SMPD4: variants seen among roughly 807,000 people sequenced by gnomAD.
The protein encoded by SMPD4 is neutral sphingomyelinase 3.
SMPD4 carries 58 observed loss-of-function variants against 97.8 expected under a neutral mutation model. The ratio of observed to expected loss-of-function variants is 0.59; its 90% CI spans 0.48 to 0.74. The LOEUF (loss-of-function observed/expected upper bound fraction) is 0.74. Among genes scored for constraint, SMPD4 ranks in the 30% least tolerant of loss-of-function variants. The pLI is 0.00. For missense variants in SMPD4, 853 were observed against 1,080.5 expected (o/e 0.79, Z 2.95); for synonymous variants, 388 against 450.0 (o/e 0.86, Z 1.74).
Position 130,173,567 on chromosome 2 carries a change from CT to C in SMPD4, c.215del (p.Gln72ArgfsTer4). Reference sequence around the variant, plus strand: ...TGTACTCCACAGGATTCACGCGCCCCTGTAAGCAGCGGAGGTTCCAGCCAAC... The same window carrying C: ...TGTACTCCACAGGATTCACGCGCCCCGTAAGCAGCGGAGGTTCCAGCCAAC... ...VLVGWNLRCL[Q>X]GRVNPVEYSI... On this transcript the variant is annotated frameshift_variant, in exon 4 of 20. Transcript: ENST00000680298. LOFTEE classifies it high-confidence loss of function. The C allele has an allele frequency of 6.2e-7, 1 of 1,613,756 alleles. No individual in the cohort carries two copies. The highest frequency in any genetic ancestry group is 8.5e-7 in the Non-Finnish European group (1 of 1,179,784).
At chr2:130,157,499 GC>G in intron 11 of SMPD4, 103 bp from the exon 12 acceptor site, 3 of 1,541,258 alleles carry the variant, frequency 1.9e-6, no homozygotes, top group East Asian at 2.4e-5. Flanking sequence ...TTGCTCTGCT[GC>G]CCCCACGGGA....
chr2:130,170,471 A>AAAAAAAAAAAAAAAAAAAAAAC, intron 8 of SMPD4, among the ~76,000 whole-genome samples: 1 of 151,000 alleles, frequency 6.6e-6, no homozygotes, highest in Non-Finnish European at 1.5e-5. Flanking sequence ...AAAAAAAAAA[A>AAAAAAAAAAAAAAAAAAAAAAC]AAAGCACACA....
At position 130,153,065 on chromosome 2, in the gene SMPD4, A is replaced by G; in HGVS notation, c.2132T>C (p.Leu711Pro). 1 of 1,612,130 alleles carries G rather than the reference A, an allele frequency of 6.2e-7. No homozygotes were observed. The highest frequency in any genetic ancestry group is 8.5e-7 in the Non-Finnish European group (1 of 1,179,790). ...CACTCTGTGGTTGATGGCAGACGAC[A>G]GCCTAAAGAGTGTGCGGACCAAGCT... is the stretch of plus-strand genomic sequence containing the variant. ...IASLVRTLFRLSSAINHRFAG... is the reference protein window; with the variant it reads ...IASLVRTLFRPSSAINHRFAG... The change falls in exon 19 of 20, where the codon CTG (leucine) becomes CCG (proline). Residue 711 changes from leucine (L) to proline (P), a missense_variant. This residue lies in a region of SMPD4 where 511 missense variants were observed against 608.1 expected (regional missense o/e 0.84). Coordinates refer to ENST00000680298, the MANE Select transcript of SMPD4 (RefSeq NM_017951.5).
chr2:130,176,503 A>G, intron 2 of SMPD4, 51 bp downstream of exon 2: 1 of 1,467,314 alleles, frequency 6.8e-7, no homozygotes, highest in East Asian at 2.3e-5. Flanking sequence ...CAAGTCCCAC[A>G]TCTACAGAAC....
At chr2:130,175,563 T>C (rs1419497708) in intron 2 of SMPD4, among the ~76,000 whole-genome samples, 3 of 152,150 alleles carry the variant, frequency 2.0e-5, no homozygotes, top group Non-Finnish European at 2.9e-5. Context: ...ACAAAAATTA[T>C]AGATGGCTTC....
At position 130,156,338 on chromosome 2, in the gene SMPD4, G is replaced by A. The variant is rs938745026; in HGVS notation, c.1189-203C>T. 1.4e-5 allele frequency: 9 copies of A among 660,578 alleles called. 1 individual carries two copies. Among genetic ancestry groups the A allele is most frequent in the East Asian group, 8.2e-5 (3 of 36,420 alleles). The allele number at this position is 660,578 out of a possible 1,614,324, so 40.9% of individuals were successfully genotyped here. A position where few individuals can be genotyped will look rare whatever the true frequency, so the allele number is the denominator to read the frequency against. The stretch of plus-strand genomic sequence containing the variant: ...GGGTGGGCTTTTCCCAGCCCAGGGG[G>A]CAGAGTACTCCCTGGTCAGGTAAGG... On this transcript the variant is annotated intron_variant, in intron 13 of 19. Coordinates refer to ENST00000680298, the MANE Select transcript of SMPD4 (RefSeq NM_017951.5).
intron 8 of SMPD4, among the ~76,000 whole-genome samples, chr2:130,169,300 A>G (rs1688215677): frequency 6.6e-6 from 1 of 152,190 alleles, no homozygotes. Context: ...ACAGTGGGTG[A>G]GCCTGTGAAA....
intron 13 of SMPD4, 192 bp downstream of exon 13, chr2:130,156,393 G>A (rs1686803575): frequency 2.9e-6 from 2 of 679,736 alleles, no homozygotes; most frequent in East Asian, 2.7e-5. Flanking sequence ...CAGACAGGTG[G>A]GACAGGGCAG....
chr2:130,174,564 T>A (rs1688794345), intron 3 of SMPD4, among the ~76,000 whole-genome samples: 1 of 152,254 alleles, frequency 6.6e-6, no homozygotes, highest in Admixed American at 6.5e-5. Flanking sequence ...AGATACTTCT[T>A]TGTCGCAGGG....
At position 130,152,791 on chromosome 2, in the gene SMPD4, G is replaced by A. The variant is rs770086496; in HGVS notation, c.2248C>T (p.His750Tyr). 4 of 1,609,662 alleles carry A rather than the reference G, an allele frequency of 2.5e-6. No individual in the cohort carries two copies. The highest frequency in any genetic ancestry group is 1.1e-5 in the South Asian group (1 of 90,722). The change falls in exon 20 of 20, where the codon CAC (histidine) becomes TAC (tyrosine). Residue 750 changes from histidine to tyrosine, a missense_variant. Coordinates refer to ENST00000680298, the MANE Select transcript of SMPD4 (RefSeq NM_017951.5). ...HLTEPGLASR[H>Y]LLSPVGRRQV... ...CTCCGCCCCACAGGGCTCAGCAGGT[G>A]CCTGCTGGCCAGCCCAGGTTCTGTG...
chr2:130,176,574 G>C lies in SMPD4; in HGVS notation c.19C>G (p.Gln7Glu). 6.2e-7 allele frequency: 1 copy of C among 1,613,232 alleles called. No homozygotes were observed. The highest frequency in any genetic ancestry group is 2.2e-5 in the East Asian group (1 of 44,876). The change falls in exon 2 of 20, where the codon CAG becomes GAG. Residue 7 changes from glutamine (Q) to glutamate (E), a missense_variant. Gln to Glu is a conservative substitution (Grantham distance 29). Around this residue, in one of 3 missense-constraint regions of SMPD4, gnomAD observed 313 missense variants for 402.2 expected, o/e 0.78. Coordinates refer to ENST00000680298, the MANE Select transcript of SMPD4 (RefSeq NM_017951.5). ...TTTACCAGTAGAAAGCTGGGCTGCT[G>C]CAGGTGAGGGAACGCCATAGCAGCC... MAFPHL[Q>E]QPSFLLASLK...
intron 12 of SMPD4, 181 bp from the exon 13 acceptor site, chr2:130,156,856 C>A: frequency 1.3e-6 from 2 of 1,515,548 alleles, no homozygotes; most frequent in Non-Finnish European, 1.8e-6. Flanking sequence ...TAGGGAACAT[C>A]CCAAGGACAC....
chr2:130,156,901 G>C, intron 12 of SMPD4: 1 of 1,224,736 alleles, frequency 8.2e-7, no homozygotes, highest in Non-Finnish European at 1.2e-6. Flanking sequence ...CACAACTCCT[G>C]CACACACCTC....
At chr2:130,159,223 G>C (rs1052340223) in intron 11 of SMPD4, among the ~76,000 whole-genome samples, 4 of 152,080 alleles carry the variant, frequency 2.6e-5, no homozygotes, top group African/African-American at 7.2e-5. Flanking sequence ...TCAAACTCCT[G>C]AGCTCAGGCA....
chr2:130,176,705 A>G, intron 1 of SMPD4, 68 bp from the exon 2 acceptor site: 1 of 1,331,010 alleles, frequency 7.5e-7, no homozygotes, highest in South Asian at 1.3e-5. Flanking sequence ...TTATTTTTTT[A>G]GAGACAGGGT....
rs776357095 is a variant in SMPD4 at position 130,167,413 on chromosome 2, T to C, written c.792+45A>G. 3.7e-6 allele frequency: 6 copies of C among 1,611,092 alleles called. No individual in the cohort carries two copies. The East Asian group carries it at 1.1e-4, about 30-fold the overall frequency. On this transcript the variant is annotated intron_variant, in intron 9 of 19. Coordinates refer to ENST00000680298, the MANE Select transcript of SMPD4 (RefSeq NM_017951.5). ...TGGGGATTATAGGCACGAGCCACCA[T>C]GCCCAGCTGGCTGAACAGTTTCTTT... is the stretch of plus-strand genomic sequence containing the variant.
chr2:130,173,914 G>A (rs1267433616), intron 3 of SMPD4, among the ~76,000 whole-genome samples: 3 of 150,760 alleles, frequency 2.0e-5, no homozygotes, highest in South Asian at 2.1e-4. Flanking sequence ...GTCAGCCTCC[G>A]ATCAAAATAC....
At chr2:130,170,314 C>T (rs1296330319) in intron 8 of SMPD4, among the ~76,000 whole-genome samples, 1 of 151,854 alleles carries the variant, frequency 6.6e-6, no homozygotes, top group Non-Finnish European at 1.5e-5. Flanking sequence ...TGGTGAAACC[C>T]TGTCTCTACT....
chr2:130,153,446 C>T lies in SMPD4; in HGVS notation c.1898G>A (p.Ser633Asn). 1.2e-6 allele frequency: 2 copies of T among 1,613,822 alleles called. No individual in the cohort carries two copies. The highest frequency in any genetic ancestry group is 1.7e-6 in the Non-Finnish European group (2 of 1,179,980). ...TGTGAACTGCCTGAGCTGCGCTTCG[C>T]TGAGCTGCCAGAGAGAAATGCCACT... is the stretch of plus-strand genomic sequence containing the variant. ...LEYLRQIFRL[S>N]EAQLRQFTLA... The change falls in exon 18 of 20, where the codon AGC becomes AAC. Residue 633 changes from serine to asparagine, a missense_variant. Ser to Asn is a conservative substitution (Grantham distance 46, BLOSUM62 1). Transcript: ENST00000680298.
Sources: gnomAD v4.1 joint callset for allele counts (sites outside exome capture counted in the v4.1 genomes callset) on GRCh38, gnomAD v4.1.1 for gene constraint, gnomAD v4.1.1 regional missense constraint, MANE v1.5 for transcripts, NCBI Gene and HGNC (gene_info 2026-07-23, HGNC 2026-07-21) for gene names.